TYR: variants seen among roughly 807,000 people sequenced by gnomAD.
The protein encoded by TYR is LB24-AB.
In TYR, 58 loss-of-function variants were observed where a neutral mutation model predicts 51.5. The ratio of observed to expected loss-of-function variants is 1.13; its 90% CI spans 0.91 to 1.40. The LOEUF (loss-of-function observed/expected upper bound fraction) is 1.40, where lower values mean the gene tolerates loss of function less well. Among genes scored for constraint, TYR ranks in the 40% most tolerant of loss-of-function variants. The probability of loss-of-function intolerance (pLI) is 0.00; values close to 1 mark genes in which losing one functional copy is unlikely to be tolerated. For synonymous variants in TYR, 263 were observed against 235.2 expected (o/e 1.12, Z -1.08); for missense variants, 732 against 647.4 (o/e 1.13, Z -1.42).
At chr11:89,265,087 A>G (rs1022175126) in intron 3 of TYR, among the ~76,000 whole-genome samples, 3 of 152,044 alleles carry the variant, frequency 2.0e-5, no homozygotes, top group Admixed American at 6.6e-5. Flanking sequence ...ATACCTAATA[A>G]CAACTTCTAA....
chr11:89,264,672 TTCA>T (rs1253812730), intron 3 of TYR, among the ~76,000 whole-genome samples: 2 of 151,710 alleles, frequency 1.3e-5, no homozygotes, highest in Admixed American at 6.6e-5. Flanking sequence ...AACCTAAATG[TTCA>T]TCAGTGATAG....
chr11:89,186,923 G>A (rs554646720), intron 1 of TYR, among the ~76,000 whole-genome samples: 1 of 152,270 alleles, frequency 6.6e-6, no homozygotes, highest in East Asian at 1.9e-4. Context: ...GCAATGTGAA[G>A]ACAGAGAAAA....
chr11:89,274,332 C>G (rs1171164959), intron 3 of TYR, among the ~76,000 whole-genome samples: 4 of 151,862 alleles, frequency 2.6e-5, no homozygotes, highest in African/African-American at 9.7e-5. Flanking sequence ...TATGTCTATA[C>G]CATAGGCATA....
At chr11:89,251,881 T>C (rs941573179) in intron 3 of TYR, among the ~76,000 whole-genome samples, 1 of 151,830 alleles carries the variant, frequency 6.6e-6, no homozygotes, top group Admixed American at 6.6e-5. Flanking sequence ...AGTTAAATCA[T>C]TGAAATGTAA....
In TYR at chr11:89,232,555, GAGA is replaced by G. The variant is rs568125889; in HGVS notation, c.1184+4588_1184+4590del. 1.1e-4 allele frequency among the ~76,000 whole-genome samples: 16 copies of G among 141,978 alleles called. 2 individuals are homozygous for G. The South Asian group carries it at 3.7e-3, about 33-fold the overall frequency. The allele number at this position is 141,978 out of a possible 152,430, so 93.1% of individuals were successfully genotyped here. A position where few individuals can be genotyped will look rare whatever the true frequency, so the allele number is the denominator to read the frequency against. On this transcript the variant is annotated intron_variant, in intron 3 of 4. Coordinates refer to ENST00000263321, the MANE Select transcript of TYR (RefSeq NM_000372.5). Reference sequence around the variant, plus strand: ...ATATTGGGAACTACTAGAGTGAAGAGAGAAGGAGGGGCATAACAGCTGAAAAAC... The same window carrying G: ...ATATTGGGAACTACTAGAGTGAAGAGAGGAGGGGCATAACAGCTGAAAAAC...
At chr11:89,245,749 G>A (rs545805693) in intron 3 of TYR, among the ~76,000 whole-genome samples, 4 of 151,868 alleles carry the variant, frequency 2.6e-5, no homozygotes, top group Admixed American at 6.6e-5. Flanking sequence ...GGTGAAACTC[G>A]GTCTCTACTA....
In TYR at chr11:89,235,457, T is replaced by A. The variant is rs187338835; in HGVS notation, c.1184+7487T>A. On this transcript the variant is annotated intron_variant, in intron 3 of 4. Transcript: ENST00000263321. ...TAATTGGGCAAATGGGTAAAGAAAA[T>A]ACAGTATATGTACACAATGAAATAC... 1.7e-3 allele frequency among the ~76,000 whole-genome samples: 257 copies of A among 152,162 alleles called. 1 individual carries two copies. The highest frequency in any genetic ancestry group is 2.7e-3 in the Non-Finnish European group (186 of 67,990).
intron 2 of TYR, among the ~76,000 whole-genome samples, chr11:89,218,337 C>T (rs1001487437): frequency 6.6e-6 from 1 of 152,050 alleles, no homozygotes; most frequent in African/African-American, 2.4e-5. Context: ...TTGCAATATA[C>T]TAGGAATAAA....
intron 3 of TYR, among the ~76,000 whole-genome samples, chr11:89,259,777 A>G (rs1944435946): frequency 6.6e-6 from 1 of 152,148 alleles, no homozygotes; most frequent in Admixed American, 6.6e-5. Flanking sequence ...TATCTGCTGG[A>G]CAATCATCAA....
intron 3 of TYR, among the ~76,000 whole-genome samples, chr11:89,239,259 A>G (rs1944160961): frequency 6.6e-6 from 1 of 152,004 alleles, no homozygotes; most frequent in Non-Finnish European, 1.5e-5. Flanking sequence ...CTCTGTACTC[A>G]TTATTGGTCT....
chr11:89,230,348 C>T (rs1180450619), intron 3 of TYR, among the ~76,000 whole-genome samples: 1 of 152,046 alleles, frequency 6.6e-6, no homozygotes, highest in African/African-American at 2.4e-5. Flanking sequence ...TGAAATTGGA[C>T]CCATATCTAA....
At chr11:89,210,171 C>T (rs772726963) in intron 2 of TYR, among the ~76,000 whole-genome samples, 5 of 152,142 alleles carry the variant, frequency 3.3e-5, no homozygotes, top group East Asian at 3.9e-4. Context: ...CAAACATCTC[C>T]GAGCTAAAAG....
intron 3 of TYR, among the ~76,000 whole-genome samples, chr11:89,255,792 A>C (rs567463889): frequency 6.6e-6 from 1 of 151,690 alleles, no homozygotes; most frequent in African/African-American, 2.4e-5. Flanking sequence ...TATCTCTTCT[A>C]ATTTTTTATA....
chr11:89,256,935 CAG>C (rs1016122294), intron 3 of TYR, among the ~76,000 whole-genome samples: 1 of 151,314 alleles, frequency 6.6e-6, no homozygotes, highest in Admixed American at 6.6e-5. Flanking sequence ...GATTTTTGAG[CAG>C]AGAGGGATGT....
intron 2 of TYR, chr11:89,191,989 G>A (rs1591143580): frequency 2.2e-6 from 1 of 446,380 alleles, no homozygotes; most frequent in Non-Finnish European, 4.5e-6. Context: ...TAGTGTTTTA[G>A]TTTTCTCCTG....
intron 2 of TYR, among the ~76,000 whole-genome samples, chr11:89,208,104 T>C (rs1286334597): frequency 6.6e-6 from 1 of 151,792 alleles, no homozygotes; most frequent in Non-Finnish European, 1.5e-5. Flanking sequence ...CCGTCTCTAC[T>C]AAAAATACAA....
At position 89,295,037 on chromosome 11, in the gene TYR, C is replaced by T. The variant is rs887823578; in HGVS notation, c.1367-106C>T. On this transcript the variant is annotated intron_variant, in intron 4 of 4. Transcript: ENST00000263321. Reference sequence around the variant, plus strand: ...ACAGTTAATAAGTAGTAGAGCTGGCCTTCAAACCCAGGTGTCTACTCCAAA... The same window carrying T: ...ACAGTTAATAAGTAGTAGAGCTGGCTTTCAAACCCAGGTGTCTACTCCAAA... The T allele has an allele frequency of 3.2e-6, 5 of 1,545,196 alleles. No homozygotes were observed. The African/African-American group carries it at 4.1e-5, about 13-fold the overall frequency.
At chr11:89,202,427 TA>T (rs1171892045) in intron 2 of TYR, among the ~76,000 whole-genome samples, 1 of 152,006 alleles carries the variant, frequency 6.6e-6, no homozygotes, top group Non-Finnish European at 1.5e-5. Context: ...GTTTTTTTTT[TA>T]TAGTAAATAG....
At chr11:89,194,650 TTCTATCTATCTATCTA>T (rs34029150) in intron 2 of TYR, among the ~76,000 whole-genome samples, 1 of 150,494 alleles carries the variant, frequency 6.6e-6, no homozygotes, top group Non-Finnish European at 1.5e-5. Context: ...CCTCCATTTT[TTCTATCTATCTATCTA>T]TCTATCTATC....
Sources: allele counts gnomAD v4.1 joint callset (sites outside exome capture counted in the v4.1 genomes callset), GRCh38; gene constraint gnomAD v4.1.1; transcripts MANE v1.5; gene names NCBI Gene and HGNC (gene_info 2026-07-23, HGNC 2026-07-21).